The following ZMAT4 variants were observed in gnomAD, a reference collection of about 807,000 sequenced individuals.
ZMAT4 encodes the protein zinc finger matrin-type protein 4.
A neutral mutation model predicts 28.7 loss-of-function variants in ZMAT4; 17 were observed. The observed-to-expected ratio is 0.59, with a 90% CI of 0.41 to 0.89. ZMAT4 has a LOEUF of 0.89. Ranked by LOEUF, ZMAT4 falls within the 40% of genes least tolerant of loss-of-function variation. ZMAT4 has a pLI of 0.00. For synonymous variants in ZMAT4, 117 were observed against 109.2 expected, an observed-to-expected ratio of 1.07 and a Z score of -0.44; for missense variants, 240 against 283.8, an observed-to-expected ratio of 0.85 and a Z score of 1.11.
chr8:40,600,199 G>A (rs983067167), intron 5 of ZMAT4, among the ~76,000 whole-genome samples: 7 of 152,152 alleles, frequency 4.6e-5, no homozygotes, highest in Non-Finnish European at 8.8e-5. Context: ...GGAGAAAGGT[G>A]TTTTTTTGTT....
At chr8:40,647,414 C>G (rs959399009) in intron 5 of ZMAT4, among the ~76,000 whole-genome samples, 3 of 152,210 alleles carry the variant, frequency 2.0e-5, no homozygotes, top group Non-Finnish European at 4.4e-5. Context: ...GCACCTGGCT[C>G]GGAGGGTCCT....
At position 40,660,854 on chromosome 8, in the gene ZMAT4, T is replaced by C. The variant is rs187153683; in HGVS notation, c.577+13850A>G. ...TTTCTTTACCTTATCTCTATGCTTTTATATACACAAAACATACCAGACATC... is the reference window on the plus strand; with the variant it reads ...TTTCTTTACCTTATCTCTATGCTTTCATATACACAAAACATACCAGACATC... On this transcript the variant is annotated intron_variant, in intron 5 of 6. Coordinates refer to ENST00000297737, the MANE Select transcript of ZMAT4 (RefSeq NM_024645.3). Among the ~76,000 whole-genome samples, 288 of 152,336 alleles carry C rather than the reference T, an allele frequency of 1.9e-3. 1 individual carries two copies. The highest frequency in any genetic ancestry group is 6.6e-3 in the African/African-American group (275 of 41,570).
chr8:40,867,885 C>T (rs757914847), intron 1 of ZMAT4, among the ~76,000 whole-genome samples: 2 of 151,794 alleles, frequency 1.3e-5, no homozygotes, highest in Non-Finnish European at 2.9e-5. Context: ...GCTTATGTAA[C>T]AAACCTGCAT....
chr8:40,789,510 C>A (rs1352410464), intron 2 of ZMAT4, among the ~76,000 whole-genome samples: 1 of 152,084 alleles, frequency 6.6e-6, no homozygotes, highest in Non-Finnish European at 1.5e-5. Flanking sequence ...AACAGGGTGA[C>A]TAGAGTCAAT....
intron 5 of ZMAT4, among the ~76,000 whole-genome samples, chr8:40,641,129 T>C (rs1027676152): frequency 2.1e-4 from 32 of 152,304 alleles, no homozygotes; most frequent in African/African-American, 7.5e-4. Context: ...GTAAGAATTA[T>C]TTTGTAAATA....
intron 5 of ZMAT4, among the ~76,000 whole-genome samples, chr8:40,595,910 C>T (rs1005571271): frequency 1.3e-5 from 2 of 151,950 alleles, no homozygotes; most frequent in Non-Finnish European, 2.9e-5. Flanking sequence ...ATGGTGAAAC[C>T]CCATCTCTAC....
At chr8:40,561,182 T>C (rs2118467928) in intron 6 of ZMAT4, among the ~76,000 whole-genome samples, 1 of 152,276 alleles carries the variant, frequency 6.6e-6, no homozygotes, top group Middle Eastern at 3.4e-3. Flanking sequence ...CTCATTTTTC[T>C]GACAAAAATG....
intron 2 of ZMAT4, among the ~76,000 whole-genome samples, chr8:40,775,125 A>G (rs764773507): frequency 7.2e-5 from 11 of 152,334 alleles, no homozygotes; most frequent in Non-Finnish European, 1.3e-4. Flanking sequence ...CCGGTGCTCA[A>G]TAAAGATTTG....
chr8:40,826,773 C>A (rs995597818), intron 1 of ZMAT4, among the ~76,000 whole-genome samples: 4 of 152,106 alleles, frequency 2.6e-5, no homozygotes, highest in African/African-American at 7.2e-5. Context: ...AAATTCCAAA[C>A]CCGGAATCAA....
At chr8:40,820,980 T>C (rs1283273178) in intron 2 of ZMAT4, among the ~76,000 whole-genome samples, 1 of 147,788 alleles carries the variant, frequency 6.8e-6, no homozygotes, top group African/African-American at 2.5e-5. Flanking sequence ...TGTATGTGTA[T>C]GTGTGTTTAT....
In ZMAT4 at chr8:40,602,322, A is replaced by G. The variant is rs995595869; in HGVS notation, c.578-21061T>C. Reference sequence around the variant, plus strand: ...GCAAGTGTGAATTGTGCTACTATAAACATGCATGTGCAAGAATCTTTTTCG... The same window carrying G: ...GCAAGTGTGAATTGTGCTACTATAAGCATGCATGTGCAAGAATCTTTTTCG... On this transcript the variant is annotated intron_variant, in intron 5 of 6. Transcript: ENST00000297737. Among the ~76,000 whole-genome samples the G allele has an allele frequency of 2.0e-5, 3 of 152,170 alleles. No homozygotes were observed. The East Asian group carries it at 5.8e-4, about 29-fold the overall frequency.
chr8:40,768,966 T>C (rs958566630), intron 2 of ZMAT4, among the ~76,000 whole-genome samples: 2 of 152,226 alleles, frequency 1.3e-5, no homozygotes, highest in Non-Finnish European at 2.9e-5. Flanking sequence ...AGAGAACACA[T>C]AGAAAGTTGC....
intron 1 of ZMAT4, among the ~76,000 whole-genome samples, chr8:40,857,351 C>A (rs1333065684): frequency 6.6e-6 from 1 of 151,530 alleles, no homozygotes; most frequent in Non-Finnish European, 1.5e-5. Flanking sequence ...GGCAACATAG[C>A]AAGACCCTGT....
chr8:40,562,744 T>C (rs1435910299), intron 6 of ZMAT4, among the ~76,000 whole-genome samples: 2 of 152,110 alleles, frequency 1.3e-5, no homozygotes, highest in Non-Finnish European at 2.9e-5. Context: ...TCAATCCTCT[T>C]TCTACTTGAC....
At chr8:40,878,129 T>C (rs1318981171) in intron 1 of ZMAT4, among the ~76,000 whole-genome samples, 2 of 152,166 alleles carry the variant, frequency 1.3e-5, no homozygotes, top group African/African-American at 4.8e-5. Context: ...AGAAAACATA[T>C]AGCGGCTCCT....
At chr8:40,661,026 A>G (rs552693668) in intron 5 of ZMAT4, among the ~76,000 whole-genome samples, 163 of 152,308 alleles carry the variant, frequency 1.1e-3, no homozygotes, top group African/African-American at 3.6e-3. Context: ...GTTAAACAGT[A>G]GGTGCTTATT....
At chr8:40,551,968 T>A (rs190346344) in intron 6 of ZMAT4, among the ~76,000 whole-genome samples, 29 of 152,238 alleles carry the variant, frequency 1.9e-4, no homozygotes, top group Admixed American at 3.3e-4. Flanking sequence ...TTGAATGAGA[T>A]CATAAATGTG....
intron 1 of ZMAT4, among the ~76,000 whole-genome samples, chr8:40,890,944 C>T (rs1471120679): frequency 6.6e-6 from 1 of 151,818 alleles, no homozygotes; most frequent in Non-Finnish European, 1.5e-5. Context: ...CCTCTGCCCA[C>T]CCCAAATAAG....
chr8:40,869,537 A>C (rs550462595), intron 1 of ZMAT4, among the ~76,000 whole-genome samples: 1 of 152,322 alleles, frequency 6.6e-6, no homozygotes, highest in East Asian at 1.9e-4. Flanking sequence ...AAGAATAAGA[A>C]TATCTACATC....
Sources: gnomAD v4.1 joint callset for allele counts (sites outside exome capture counted in the v4.1 genomes callset) on GRCh38, gnomAD v4.1.1 for gene constraint, MANE v1.5 for transcripts, NCBI Gene and HGNC (gene_info 2026-07-23, HGNC 2026-07-21) for gene names.